TENM2: variants seen among roughly 807,000 people sequenced by gnomAD.
TENM2 encodes teneurin transmembrane protein 2, also known as teneurin-2.
Under a neutral mutation model 245.2 loss-of-function variants are expected in TENM2, and 52 were observed. The ratio of observed to expected loss-of-function variants is 0.21; its 90% CI spans 0.17 to 0.27. The LOEUF (loss-of-function observed/expected upper bound fraction) is 0.27. Among genes scored for constraint, TENM2 ranks in the 10% least tolerant of loss-of-function variants. TENM2 has a pLI of 1.00. For synonymous variants in TENM2, 1,363 were observed against 1,438.9 expected, an observed-to-expected ratio of 0.95 and a Z score of 1.19; for missense variants, 3,046 against 3,666.8, an observed-to-expected ratio of 0.83 and a Z score of 4.37.
intron 2 of TENM2, among the ~76,000 whole-genome samples, chr5:167,596,808 A>G (rs536341900): frequency 3.4e-4 from 51 of 151,902 alleles, no homozygotes; most frequent in East Asian, 9.7e-4. Flanking sequence ...AAAAAAAAAA[A>G]AAGAAGAAAA....
chr5:167,962,727 T>G (rs1583498420), intron 4 of TENM2, among the ~76,000 whole-genome samples: 1 of 151,908 alleles, frequency 6.6e-6, no homozygotes, highest in African/African-American at 2.4e-5. Context: ...GCAAAAGGGG[T>G]GAAAACCCCT....
At chr5:167,951,471 C>T (rs1330602211) in intron 3 of TENM2, among the ~76,000 whole-genome samples, 1 of 152,202 alleles carries the variant, frequency 6.6e-6, no homozygotes, top group Non-Finnish European at 1.5e-5. Context: ...TTTCATTATG[C>T]TTAAAATATT....
intron 2 of TENM2, among the ~76,000 whole-genome samples, chr5:167,858,039 C>A (rs937455971): frequency 6.6e-6 from 1 of 152,234 alleles, no homozygotes; most frequent in Admixed American, 6.5e-5. Context: ...TTCTCCGTAG[C>A]TTTCTTTGAC....
chr5:167,786,228 C>T (rs1764571009), intron 2 of TENM2, among the ~76,000 whole-genome samples: 1 of 152,160 alleles, frequency 6.6e-6, no homozygotes, highest in Admixed American at 6.5e-5. Context: ...CACTATTAGA[C>T]AGGATTCTCT....
At chr5:167,640,022 C>A (rs1779452540) in intron 2 of TENM2, among the ~76,000 whole-genome samples, 1 of 152,140 alleles carries the variant, frequency 6.6e-6, no homozygotes, top group Admixed American at 6.5e-5. Flanking sequence ...GAAATTATGT[C>A]CCAAGCTTCC....
chr5:167,974,724 C>A (rs1583542970), intron 4 of TENM2, among the ~76,000 whole-genome samples: 1 of 152,182 alleles, frequency 6.6e-6, no homozygotes, highest in African/African-American at 2.4e-5. Flanking sequence ...GGCAACCAGG[C>A]TCTGACCCCA....
chr5:168,063,429 A>G (rs1300951772), intron 7 of TENM2, among the ~76,000 whole-genome samples: 1 of 152,184 alleles, frequency 6.6e-6, no homozygotes, highest in East Asian at 1.9e-4. Flanking sequence ...TTTCTTTTCC[A>G]ATAAGAATTG....
intron 2 of TENM2, among the ~76,000 whole-genome samples, chr5:167,544,612 A>G (rs891389442): frequency 2.0e-5 from 3 of 152,158 alleles, no homozygotes; most frequent in Non-Finnish European, 2.9e-5. Context: ...TTGTCTAGCT[A>G]TATTTATATA....
At chr5:167,245,589 C>T in the TENM2 span, among the ~76,000 whole-genome samples, 1 of 150,570 alleles carries the variant, frequency 6.6e-6, no homozygotes, top group Admixed American at 6.6e-5. Flanking sequence ...GTATTATTTA[C>T]ACTAACAATA....
chr5:167,614,610 TACC>T, intron 2 of TENM2, among the ~76,000 whole-genome samples: 1 of 152,130 alleles, frequency 6.6e-6, no homozygotes, highest in Non-Finnish European at 1.5e-5. Context: ...GCTTTTAGGG[TACC>T]TTCATAGGCT....
Position 167,847,591 on chromosome 5 carries a change from T to C in TENM2, c.503-28395T>C, listed in dbSNP as rs1431232029. ...AAGTCTCCAGTTCTCCTGAGAATCC[T>C]AGATTCCTTCATACCTTCACCTCAC... On this transcript the variant is annotated intron_variant, in intron 2 of 28. Coordinates refer to ENST00000518659, the Ensembl canonical transcript of TENM2. Among the ~76,000 whole-genome samples the C allele has an allele frequency of 2.0e-5, 3 of 152,218 alleles. No individual in the cohort carries two copies. In the East Asian group the frequency reaches 5.8e-4, roughly 29 times the overall value.
chr5:167,927,520 G>A (rs1030969770), intron 3 of TENM2, among the ~76,000 whole-genome samples: 1 of 152,150 alleles, frequency 6.6e-6, no homozygotes, highest in African/African-American at 2.4e-5. Context: ...GGCCTTAAGT[G>A]CATAAATCAA....
At chr5:167,132,385 G>A in the TENM2 span, among the ~76,000 whole-genome samples, 1 of 152,058 alleles carries the variant, frequency 6.6e-6, no homozygotes, top group Admixed American at 6.6e-5. Context: ...AGAGAAACAC[G>A]GTGGCATTTG....
At chr5:167,518,175 T>A (rs1054816481) in intron 2 of TENM2, among the ~76,000 whole-genome samples, 8 of 149,604 alleles carry the variant, frequency 5.3e-5, no homozygotes, top group South Asian at 2.1e-4. Flanking sequence ...AAAAAAAAAA[T>A]TAATAGTTTA....
At chr5:167,939,856 G>T (rs1779034701) in intron 3 of TENM2, among the ~76,000 whole-genome samples, 1 of 152,198 alleles carries the variant, frequency 6.6e-6, no homozygotes, top group African/African-American at 2.4e-5. Context: ...CTTTAGCAAA[G>T]ATTCTTTGAT....
chr5:167,121,218 G>C, the TENM2 span, among the ~76,000 whole-genome samples: 1 of 151,988 alleles, frequency 6.6e-6, no homozygotes, highest in Non-Finnish European at 1.5e-5. Flanking sequence ...AGTGGGAATT[G>C]GCAGTAACTA....
chr5:167,342,504 ATTC>A (rs1758166410), intron 1 of TENM2, among the ~76,000 whole-genome samples: 2 of 61,424 alleles, frequency 3.3e-5, no homozygotes, highest in African/African-American at 6.1e-5. Flanking sequence ...CTGTAAAGTT[ATTC>A]TTTTTTTTTT....
chr5:167,255,846 C>T, the TENM2 span, among the ~76,000 whole-genome samples: 953 of 152,208 alleles, frequency 6.3e-3, 5 homozygotes, highest in Non-Finnish European at 0.01. Context: ...TTTATTTCTA[C>T]TTCCTGCTCT....
chr5:167,038,713 T>C, the TENM2 span, among the ~76,000 whole-genome samples: 1 of 152,216 alleles, frequency 6.6e-6, no homozygotes, highest in Non-Finnish European at 1.5e-5. Context: ...TTTCACCTTA[T>C]ACCTGTGTAA....
Sources: gnomAD v4.1 joint callset for allele counts (sites outside exome capture counted in the v4.1 genomes callset) on GRCh38, gnomAD v4.1.1 for gene constraint, MANE v1.5 for transcripts, NCBI Gene and HGNC (gene_info 2026-07-23, HGNC 2026-07-21) for gene names.